The following NCAM2 variants were observed in gnomAD, a reference collection of about 807,000 sequenced individuals.
NCAM2 encodes the protein N-CAM-2.
A neutral mutation model predicts 98.1 loss-of-function variants in NCAM2; 30 were observed. That is an observed-to-expected ratio of 0.31 (90% CI 0.23 to 0.41). NCAM2 has a LOEUF of 0.41. Ranked by LOEUF, NCAM2 falls within the 10% of genes least tolerant of loss-of-function variation. The pLI, the probability that NCAM2 is intolerant of heterozygous loss-of-function variation, is 1.00. For missense variants in NCAM2, 867 were observed against 1,005.8 expected, an observed-to-expected ratio of 0.86 and a Z score of 1.87; for synonymous variants, 368 against 342.4, an observed-to-expected ratio of 1.07 and a Z score of -0.83.
intron 5 of NCAM2, among the ~76,000 whole-genome samples, chr21:21,319,373 T>C (rs907637485): frequency 2.0e-5 from 3 of 152,250 alleles, no homozygotes; most frequent in Non-Finnish European, 4.4e-5. Flanking sequence ...GCCAGTGCAG[T>C]GGCTCACGCC....
chr21:21,108,532 A>G (rs916312558), intron 1 of NCAM2, among the ~76,000 whole-genome samples: 1 of 152,148 alleles, frequency 6.6e-6, no homozygotes, highest in East Asian at 1.9e-4. Context: ...TAAGAACACT[A>G]TATAAAACAT....
Position 21,509,036 on chromosome 21 carries a change from G to A in NCAM2, c.2263G>A (p.Glu755Lys). 6.2e-7 allele frequency: 1 copy of A among 1,613,408 alleles called. No homozygotes were observed. The highest frequency in any genetic ancestry group is 8.5e-7 in the Non-Finnish European group (1 of 1,179,732). ...GSSGKSKELE[E>K]GKAAYLKDGS... is the part of the protein sequence containing the mutation. ...CAGTGGCAAAAGTAAAGAACTCGAA[G>A]AAGGAAAAGCTGCATACCTGTGAGT... The change falls in exon 16 of 18, where the codon GAA (glutamate) becomes AAA (lysine). Residue 755 changes from glutamate to lysine, a missense_variant. By Grantham distance (56) the Glu-to-Lys change is moderately conservative. Transcript: ENST00000400546.
chr21:21,013,951 A>G (rs889023228), intron 1 of NCAM2, among the ~76,000 whole-genome samples: 2 of 152,216 alleles, frequency 1.3e-5, no homozygotes, highest in Non-Finnish European at 2.9e-5. Flanking sequence ...ACTACACTAA[A>G]CAACAGAATT....
chr21:21,257,544 G>A (rs1259308860), intron 1 of NCAM2, among the ~76,000 whole-genome samples: 3 of 152,074 alleles, frequency 2.0e-5, no homozygotes, highest in African/African-American at 7.2e-5. Flanking sequence ...TCAAGAATGT[G>A]GAAACTATCA....
intron 1 of NCAM2, among the ~76,000 whole-genome samples, chr21:21,025,246 C>T (rs576565784): frequency 1.3e-5 from 2 of 152,000 alleles, no homozygotes; most frequent in South Asian, 2.1e-4. Context: ...CCACCATGCC[C>T]GGCTAATTGT....
intron 1 of NCAM2, among the ~76,000 whole-genome samples, chr21:21,043,079 G>T (rs1568959614): frequency 6.6e-6 from 1 of 152,132 alleles, no homozygotes; most frequent in African/African-American, 2.4e-5. Context: ...TAATTTACAA[G>T]TGCAAATTTT....
chr21:21,214,265 TG>T (rs892732302), intron 1 of NCAM2, among the ~76,000 whole-genome samples: 58 of 152,286 alleles, frequency 3.8e-4, no homozygotes, highest in Admixed American at 2.7e-3. Flanking sequence ...ATTGAGATTG[TG>T]GAAATAAGCA....
intron 1 of NCAM2, among the ~76,000 whole-genome samples, chr21:21,228,930 A>C (rs865987788): frequency 6.6e-6 from 1 of 151,470 alleles, no homozygotes; most frequent in Non-Finnish European, 1.5e-5. Flanking sequence ...GCATTTAATT[A>C]TTGTTTTTAA....
At chr21:21,446,010 T>TG (rs1980074846) in intron 12 of NCAM2, among the ~76,000 whole-genome samples, 1 of 152,124 alleles carries the variant, frequency 6.6e-6, no homozygotes, top group African/African-American at 2.4e-5. Context: ...TTCAGGAGCT[T>TG]TTGCAGGGCA....
intron 1 of NCAM2, among the ~76,000 whole-genome samples, chr21:21,127,067 A>C (rs903629469): frequency 6.6e-6 from 1 of 151,988 alleles, no homozygotes; most frequent in Non-Finnish European, 1.5e-5. Flanking sequence ...CTATTAAAAA[A>C]GAATAAGAAT....
At chr21:21,001,061 A>G (rs1025749957) in intron 1 of NCAM2, among the ~76,000 whole-genome samples, 1 of 152,174 alleles carries the variant, frequency 6.6e-6, no homozygotes, top group African/African-American at 2.4e-5. Flanking sequence ...ATGAAGCATG[A>G]TTGAAGCTAT....
At chr21:21,386,555 A>T (rs1414081479) in intron 9 of NCAM2, among the ~76,000 whole-genome samples, 1 of 152,310 alleles carries the variant, frequency 6.6e-6, no homozygotes, top group East Asian at 1.9e-4. Context: ...ACAGACCATT[A>T]AAAAAGAAAG....
chr21:21,090,877 A>G (rs771704873), intron 1 of NCAM2, among the ~76,000 whole-genome samples: 4 of 152,212 alleles, frequency 2.6e-5, no homozygotes, highest in African/African-American at 9.6e-5. Context: ...TGTCATTTTA[A>G]GAATCTGAGC....
intron 16 of NCAM2, among the ~76,000 whole-genome samples, chr21:21,530,212 A>G (rs1223502411): frequency 9.8e-5 from 9 of 91,646 alleles, no homozygotes; most frequent in Admixed American, 4.4e-4. Flanking sequence ...TATATAATTT[A>G]ATTTAATTTA....
chr21:21,079,093 A>C (rs1392530725), intron 1 of NCAM2, among the ~76,000 whole-genome samples: 3 of 152,188 alleles, frequency 2.0e-5, no homozygotes, highest in African/African-American at 7.2e-5. Context: ...TGCAGGGCTT[A>C]AAACCTCGCT....
At chr21:21,352,192 A>G (rs2147946484) in intron 8 of NCAM2, among the ~76,000 whole-genome samples, 2 of 152,232 alleles carry the variant, frequency 1.3e-5, no homozygotes, top group Middle Eastern at 3.4e-3. Context: ...CAGCCTCCTG[A>G]GTAGCAGGAC....
At chr21:21,279,378 A>T (rs993478696) in intron 1 of NCAM2, among the ~76,000 whole-genome samples, 1 of 152,042 alleles carries the variant, frequency 6.6e-6, no homozygotes, top group African/African-American at 2.4e-5. Context: ...TTGTTTTCTG[A>T]GACAGAGTTT....
At chr21:21,114,978 G>A (rs564072653) in intron 1 of NCAM2, among the ~76,000 whole-genome samples, 2 of 151,914 alleles carry the variant, frequency 1.3e-5, no homozygotes, top group African/African-American at 2.4e-5. Context: ...CTGCCACCAC[G>A]CCCAGCTAAG....
chr21:21,039,974 G>A lies in NCAM2; in HGVS notation c.55+41356G>A, dbSNP rs577237063. 2.6e-5 allele frequency among the ~76,000 whole-genome samples: 4 copies of A among 152,188 alleles called. No homozygotes were observed. The South Asian group carries it at 6.2e-4, about 24-fold the overall frequency. On this transcript the variant is annotated intron_variant, in intron 1 of 17. Transcript: ENST00000400546. ...AGGGGACTCTGTGATGAGTAGCTGC[G>A]GATATTTCATACCAGTGAGGAGGAT...
Sources: allele counts gnomAD v4.1 joint callset (sites outside exome capture counted in the v4.1 genomes callset), GRCh38; gene constraint gnomAD v4.1.1; transcripts MANE v1.5; gene names NCBI Gene and HGNC (gene_info 2026-07-23, HGNC 2026-07-21).